Variants in NKAIN3 observed in about 807,000 individuals in gnomAD.
NKAIN3 encodes sodium/potassium-transporting ATPase subunit beta-1-interacting protein 3.
A neutral mutation model predicts 30.2 loss-of-function variants in NKAIN3; 25 were observed. The ratio of observed to expected loss-of-function variants is 0.83; its 90% CI spans 0.60 to 1.16. The LOEUF is 1.16. Ranked by LOEUF, NKAIN3 falls within the 50% of genes most tolerant of loss-of-function variation. The pLI is 0.00. For synonymous variants in NKAIN3, 91 were observed against 89.6 expected (o/e 1.02, Z -0.09); for missense variants, 225 against 254.1 (o/e 0.89, Z 0.78).
At chr8:62,714,011 A>G (rs1814811417) in intron 3 of NKAIN3, among the ~76,000 whole-genome samples, 1 of 152,168 alleles carries the variant, frequency 6.6e-6, no homozygotes. Flanking sequence ...TTAGAGATGT[A>G]ACATAATTTT....
intron 4 of NKAIN3, among the ~76,000 whole-genome samples, chr8:62,824,734 A>G (rs972645099): frequency 6.6e-6 from 1 of 152,056 alleles, no homozygotes; most frequent in African/African-American, 2.4e-5. Flanking sequence ...CCTCTTCTAT[A>G]TGGCTCTGAC....
chr8:62,871,311 G>A (rs1820635212), intron 4 of NKAIN3, among the ~76,000 whole-genome samples: 1 of 151,040 alleles, frequency 6.6e-6, no homozygotes, highest in Non-Finnish European at 1.5e-5. Flanking sequence ...GCTGAGGCAG[G>A]AGAATTGCTC....
intron 1 of NKAIN3, among the ~76,000 whole-genome samples, chr8:62,352,191 G>C (rs1816201569): frequency 6.6e-6 from 1 of 152,194 alleles, no homozygotes; most frequent in Non-Finnish European, 1.5e-5. Context: ...AGGCAAGGAA[G>C]AGGACAGAGG....
chr8:62,625,152 A>G (rs921783999), intron 3 of NKAIN3, among the ~76,000 whole-genome samples: 1 of 152,108 alleles, frequency 6.6e-6, no homozygotes, highest in African/African-American at 2.4e-5. Context: ...AGCATTTGTT[A>G]TAACTTTTGG....
chr8:62,415,520 T>C (rs1804416783), intron 1 of NKAIN3, among the ~76,000 whole-genome samples: 1 of 150,164 alleles, frequency 6.7e-6, no homozygotes, highest in Admixed American at 6.6e-5. Flanking sequence ...TAATGATACA[T>C]TAAAAGCTAA....
At chr8:62,569,574 G>A (rs773031276) in intron 1 of NKAIN3, among the ~76,000 whole-genome samples, 2 of 151,962 alleles carry the variant, frequency 1.3e-5, no homozygotes, top group Non-Finnish European at 2.9e-5. Flanking sequence ...CCAGGACTTT[G>A]AGAACAGACT....
At chr8:62,455,356 T>C (rs1342394113) in intron 1 of NKAIN3, among the ~76,000 whole-genome samples, 2 of 152,220 alleles carry the variant, frequency 1.3e-5, no homozygotes. Flanking sequence ...AACAAAATCA[T>C]GTCCTTTGCA....
At chr8:62,622,491 A>G (rs955056757) in intron 3 of NKAIN3, among the ~76,000 whole-genome samples, 1 of 152,054 alleles carries the variant, frequency 6.6e-6, no homozygotes, top group Non-Finnish European at 1.5e-5. Flanking sequence ...ATAGGTGTGT[A>G]GTGATATTTC....
At chr8:62,257,428 A>G (rs974804109) in intron 1 of NKAIN3, among the ~76,000 whole-genome samples, 4 of 152,168 alleles carry the variant, frequency 2.6e-5, no homozygotes, top group Non-Finnish European at 4.4e-5. Flanking sequence ...TTAATTCTTT[A>G]GGTTGAAACC....
chr8:62,647,435 A>G (rs1476561358), intron 3 of NKAIN3, among the ~76,000 whole-genome samples: 1 of 152,182 alleles, frequency 6.6e-6, no homozygotes, highest in Non-Finnish European at 1.5e-5. Context: ...GACGGAAAGG[A>G]GAATTCAACA....
intron 1 of NKAIN3, among the ~76,000 whole-genome samples, chr8:62,271,747 A>G (rs1003258462): frequency 6.6e-6 from 1 of 152,208 alleles, no homozygotes; most frequent in East Asian, 1.9e-4. Flanking sequence ...CACTTTTGTC[A>G]GTGAAGAGAG....
At chr8:62,306,614 A>G (rs1814253693) in intron 1 of NKAIN3, among the ~76,000 whole-genome samples, 1 of 146,842 alleles carries the variant, frequency 6.8e-6, no homozygotes, top group Non-Finnish European at 1.5e-5. Context: ...GGGAGGAGGG[A>G]GCAAAGTGTG....
intron 1 of NKAIN3, among the ~76,000 whole-genome samples, chr8:62,480,419 TGG>T (rs528693964): frequency 6.6e-6 from 1 of 151,558 alleles, no homozygotes; most frequent in Non-Finnish European, 1.5e-5. Context: ...TTAATAAAGC[TGG>T]GGGGAAAATC....
intron 4 of NKAIN3, among the ~76,000 whole-genome samples, chr8:62,828,112 A>G (rs1027592210): frequency 6.6e-6 from 1 of 152,212 alleles, no homozygotes; most frequent in African/African-American, 2.4e-5. Context: ...AACTATTGCT[A>G]TCTATTGATA....
intron 1 of NKAIN3, among the ~76,000 whole-genome samples, chr8:62,288,794 C>A (rs1326254568): frequency 6.6e-6 from 1 of 152,194 alleles, no homozygotes; most frequent in African/African-American, 2.4e-5. Context: ...ATTTCTAGTT[C>A]TAGATCCTTG....
chr8:62,533,364 A>T (rs1172699672), intron 1 of NKAIN3, among the ~76,000 whole-genome samples: 1 of 152,240 alleles, frequency 6.6e-6, no homozygotes, highest in African/African-American at 2.4e-5. Context: ...CTGCAGTGGA[A>T]CAAACTGTAG....
At position 62,579,619 on chromosome 8, in the gene NKAIN3, A is replaced by C; in HGVS notation, c.135A>C (p.Ile45=). The C allele has an allele frequency of 9.3e-6, 15 of 1,609,098 alleles. No homozygotes were observed. Among genetic ancestry groups the C allele is most frequent in the Non-Finnish European group, 1.3e-5 (15 of 1,176,360 alleles). ...APILGNFLHI[I]VVILGLFGTI... is the part of the protein sequence containing the mutation. ...TTCTTGGAAATTTTCTACACATAATAGTTGTCATATTGGGTTTGTTTGGGA... is the reference window on the plus strand; with the variant it reads ...TTCTTGGAAATTTTCTACACATAATCGTTGTCATATTGGGTTTGTTTGGGA... The change falls in exon 2 of 7, where the codon ATA becomes ATC. Residue 45 remains isoleucine, a synonymous_variant. Coordinates refer to ENST00000623646, the MANE Select transcript of NKAIN3 (RefSeq NM_001304533.3).
chr8:62,507,287 T>C (rs1807673259), intron 1 of NKAIN3, among the ~76,000 whole-genome samples: 2 of 152,218 alleles, frequency 1.3e-5, no homozygotes, highest in African/African-American at 4.8e-5. Context: ...TGTTTGTGGA[T>C]TATGAGTTAT....
At chr8:62,710,335 A>G (rs931691885) in intron 3 of NKAIN3, among the ~76,000 whole-genome samples, 1 of 152,044 alleles carries the variant, frequency 6.6e-6, no homozygotes, top group African/African-American at 2.4e-5. Context: ...ATCCTCCACT[A>G]TTATTTGTTG....
Sources: allele counts gnomAD v4.1 joint callset (sites outside exome capture counted in the v4.1 genomes callset), GRCh38; gene constraint gnomAD v4.1.1; transcripts MANE v1.5; gene names NCBI Gene and HGNC (gene_info 2026-07-23, HGNC 2026-07-21).